The following FOXN3 variants were observed in gnomAD, a reference collection of about 807,000 sequenced individuals.
FOXN3 encodes forkhead box protein N3.
Under a neutral mutation model 38.4 loss-of-function variants are expected in FOXN3, and 7 were observed. That is an observed-to-expected ratio of 0.18 (90% confidence interval 0.10 to 0.34). The LOEUF (loss-of-function observed/expected upper bound fraction) is 0.34. Ranked by LOEUF, FOXN3 falls within the 10% of genes least tolerant of loss-of-function variation. FOXN3 has a pLI of 1.00. For missense variants in FOXN3, 456 were observed against 613.4 expected (o/e 0.74, Z 2.71); for synonymous variants, 230 against 242.2 (o/e 0.95, Z 0.47).
At chr14:89,587,681 G>T (rs1159575505) in intron 1 of FOXN3, among the ~76,000 whole-genome samples, 1 of 151,904 alleles carries the variant, frequency 6.6e-6, no homozygotes, top group Admixed American at 6.6e-5. Flanking sequence ...CAGCCTGGAC[G>T]ATATGGGGAA....
intron 3 of FOXN3, among the ~76,000 whole-genome samples, chr14:89,338,131 G>C (rs1888518402): frequency 6.6e-6 from 1 of 152,186 alleles, no homozygotes; most frequent in Admixed American, 6.5e-5. Flanking sequence ...TGGGGAAGTA[G>C]ATGGAAGGTC....
chr14:89,569,232 T>A (rs1231128366), intron 1 of FOXN3, among the ~76,000 whole-genome samples: 1 of 151,024 alleles, frequency 6.6e-6, no homozygotes, highest in Non-Finnish European at 1.5e-5. Flanking sequence ...CCATTTCCAT[T>A]ATCCTACCCA....
At chr14:89,255,491 CA>C (rs969267134) in intron 4 of FOXN3, among the ~76,000 whole-genome samples, 1 of 152,124 alleles carries the variant, frequency 6.6e-6, no homozygotes, top group African/African-American at 2.4e-5. Context: ...CAATTAAGAA[CA>C]AAAAGTCCTA....
intron 3 of FOXN3, among the ~76,000 whole-genome samples, chr14:89,318,142 T>C (rs1342728083): frequency 7.1e-6 from 1 of 141,152 alleles, no homozygotes; most frequent in Non-Finnish European, 1.5e-5. Context: ...CCTTTTTCTT[T>C]TCTTTCTTCT....
At chr14:89,417,370 G>C (rs1457835878), upstream of FOXN3, 1 of 147,290 alleles carries the variant, frequency 6.8e-6, no homozygotes, top group African/African-American at 2.4e-5. Context: ...CTGACCCGCC[G>C]GGGCGGACCC....
intron 4 of FOXN3, among the ~76,000 whole-genome samples, chr14:89,276,817 C>T (rs183784327): frequency 5.9e-5 from 9 of 152,286 alleles, no homozygotes; most frequent in Admixed American, 1.3e-4. Context: ...AACAAAACTC[C>T]GTGGGGAGCT....
intron 1 of FOXN3, among the ~76,000 whole-genome samples, chr14:89,431,679 A>AT (rs1376875098): frequency 2.0e-5 from 3 of 151,992 alleles, no homozygotes; most frequent in Non-Finnish European, 4.4e-5. Flanking sequence ...AGGTACAGAG[A>AT]TTTCTCATTA....
rs1045465620 is a variant in FOXN3, at chr14:89,177,014, T to C, written c.851+3687A>G. Among the ~76,000 whole-genome samples the C allele has an allele frequency of 6.0e-3, 872 of 145,658 alleles. 10 individuals carry two copies. The highest frequency in any genetic ancestry group is 0.021 in the African/African-American group (822 of 39,824). ...ATCTCTCTCTCTCTTTCTTTCTTTT[T>C]TTTTTTTTTTTTTTTTGACAGAGTC... On this transcript the variant is annotated intron_variant, in intron 5 of 5. Coordinates refer to ENST00000557258, the MANE Select transcript of FOXN3 (RefSeq NM_005197.4).
chr14:89,217,236 G>C (rs1009581248), intron 4 of FOXN3, among the ~76,000 whole-genome samples: 2 of 152,162 alleles, frequency 1.3e-5, no homozygotes, highest in Non-Finnish European at 2.9e-5. Context: ...CTGGGCACAA[G>C]CAATCCTCCT....
Position 89,406,724 on chromosome 14 carries a change from T to G in FOXN3, c.543+5210A>C, listed in dbSNP as rs183845942. Among the ~76,000 whole-genome samples the G allele has an allele frequency of 2.6e-5, 4 of 152,170 alleles. No individual in the cohort carries two copies. The East Asian group carries it at 7.7e-4, about 29-fold the overall frequency. Reference sequence around the variant, plus strand: ...AACATACTTTTGTACAGTGTTTCCTTTATAAACCCTTTGATGACAATGTTT... The same window carrying G: ...AACATACTTTTGTACAGTGTTTCCTGTATAAACCCTTTGATGACAATGTTT... On this transcript the variant is annotated intron_variant, in intron 2 of 5. Transcript: ENST00000557258.
chr14:89,281,895 G>A (rs996845630), intron 3 of FOXN3, among the ~76,000 whole-genome samples: 2 of 152,154 alleles, frequency 1.3e-5, no homozygotes, highest in Admixed American at 1.3e-4. Context: ...AAATTATATT[G>A]GTTAATGCAT....
At chr14:89,436,289 T>TAAAAAAAAAAAAA (rs77915176) in intron 1 of FOXN3, among the ~76,000 whole-genome samples, 39 of 134,808 alleles carry the variant, frequency 2.9e-4, no homozygotes, top group African/African-American at 1.0e-3. Context: ...GTTTATTCAT[T>TAAAAAAAAAAAAA]AAAAAAAAAA....
At chr14:89,345,156 A>T (rs2140001770) in intron 3 of FOXN3, among the ~76,000 whole-genome samples, 1 of 152,300 alleles carries the variant, frequency 6.6e-6, no homozygotes, top group Middle Eastern at 3.4e-3. Context: ...GAACTGTAGT[A>T]TCCAAACTAC....
At chr14:89,246,419 C>T (rs1366500304) in intron 4 of FOXN3, among the ~76,000 whole-genome samples, 1 of 152,040 alleles carries the variant, frequency 6.6e-6, no homozygotes, top group East Asian at 1.9e-4. Flanking sequence ...ATGGTTTTCA[C>T]AGGCTCCGAG....
intron 3 of FOXN3, among the ~76,000 whole-genome samples, chr14:89,338,532 G>A (rs7400805): frequency 0.16 from 23,809 of 152,214 alleles, 1,950 homozygotes; most frequent in Middle Eastern, 0.2. Flanking sequence ...GGTGGCTCAC[G>A]CCTGTAATCC....
intron 1 of FOXN3, among the ~76,000 whole-genome samples, chr14:89,467,557 A>G (rs1166097839): frequency 6.6e-6 from 1 of 151,856 alleles, no homozygotes; most frequent in Non-Finnish European, 1.5e-5. Flanking sequence ...GCCCTTTAAA[A>G]AAAAAAAGGC....
At chr14:89,472,308 G>A (rs1202190878) in intron 1 of FOXN3, among the ~76,000 whole-genome samples, 1 of 151,904 alleles carries the variant, frequency 6.6e-6, no homozygotes, top group Non-Finnish European at 1.5e-5. Flanking sequence ...TGAGTTTTGG[G>A]GTTTGTCTGT....
At chr14:89,283,660 T>G (rs1287635591) in intron 3 of FOXN3, among the ~76,000 whole-genome samples, 1 of 151,810 alleles carries the variant, frequency 6.6e-6, no homozygotes, top group Non-Finnish European at 1.5e-5. Flanking sequence ...GTGCGCTCCA[T>G]ACCCAGCCAT....
intron 1 of FOXN3, among the ~76,000 whole-genome samples, chr14:89,503,936 G>T (rs774970114): frequency 1.3e-5 from 2 of 152,148 alleles, no homozygotes; most frequent in Admixed American, 1.3e-4. Flanking sequence ...CAAGCCCATC[G>T]GATTTGCCCC....
Sources: gnomAD v4.1 joint callset for allele counts (sites outside exome capture counted in the v4.1 genomes callset) on GRCh38, gnomAD v4.1.1 for gene constraint, MANE v1.5 for transcripts, NCBI Gene and HGNC (gene_info 2026-07-23, HGNC 2026-07-21) for gene names.